Variants in TRAK1 observed in about 807,000 individuals in gnomAD.
TRAK1 encodes the protein trafficking kinesin-binding protein 1.
A neutral mutation model predicts 92.1 loss-of-function variants in TRAK1; 33 were observed. The ratio of observed to expected loss-of-function variants is 0.36; its 90% CI spans 0.27 to 0.48. TRAK1 has a LOEUF of 0.48. Among genes scored for constraint, TRAK1 ranks in the 20% least tolerant of loss-of-function variants. The probability of loss-of-function intolerance (pLI) is 0.99; values close to 1 mark genes in which losing one functional copy is unlikely to be tolerated. For synonymous variants in TRAK1, 521 were observed against 517.3 expected (o/e 1.01, Z -0.10); for missense variants, 1,123 against 1,257.9 (o/e 0.89, Z 1.62).
At chr3:42,092,711 G>GTGTTGTGTTGTGTTGTGTTATGTTA (rs1400587515) in intron 1 of TRAK1, among the ~76,000 whole-genome samples, 8 of 101,064 alleles carry the variant, frequency 7.9e-5, no homozygotes, top group African/African-American at 2.6e-4. Flanking sequence ...GTGTTGTGTT[G>GTGTTGTGTTGTGTTGTGTTATGTTA]TGTTATGTTA....
chr3:42,019,424 T>C (rs704965), intron 1 of TRAK1, among the ~76,000 whole-genome samples: 136,898 of 152,180 alleles, frequency 0.9, 63,311 homozygotes, highest in East Asian at 1. Flanking sequence ...GCTGCCACAC[T>C]TGGCTAATTT....
intron 1 of TRAK1, among the ~76,000 whole-genome samples, chr3:42,110,559 C>T (rs546177541): frequency 6.6e-6 from 1 of 152,326 alleles, no homozygotes; most frequent in South Asian, 2.1e-4. Flanking sequence ...ACTATTCTGA[C>T]TTCCCTTGCC....
At chr3:42,148,346 G>A (rs1699575428) in intron 2 of TRAK1, among the ~76,000 whole-genome samples, 1 of 152,154 alleles carries the variant, frequency 6.6e-6, no homozygotes. Context: ...TAGTGCTGAG[G>A]TTGAGAGACC....
chr3:42,017,911 T>C (rs1183771114), intron 1 of TRAK1, among the ~76,000 whole-genome samples: 1 of 152,146 alleles, frequency 6.6e-6, no homozygotes, highest in Admixed American at 6.6e-5. Context: ...GCAGTGTGCC[T>C]GTAGGCAGCC....
chr3:42,160,556 C>A, intron 2 of TRAK1: 102 of 1,199,238 alleles, frequency 8.5e-5, no homozygotes, highest in Non-Finnish European at 1.2e-4. Context: ...TTTCATAGCA[C>A]TGTTTTGTTT....
chr3:42,189,093 T>A lies in TRAK1; in HGVS notation c.659T>A (p.Leu220His). 6.2e-7 allele frequency: 1 copy of A among 1,614,086 alleles called. No individual in the cohort carries two copies. Among genetic ancestry groups the A allele is most frequent in the Non-Finnish European group, 8.5e-7 (1 of 1,179,906 alleles). Residue 220 changes from leucine to histidine, a missense_variant, in exon 6 of 16, where the codon CTT becomes CAT. Leu to His is a moderately conservative substitution (Grantham distance 99, BLOSUM62 -3). This residue lies in a region of TRAK1 where 686 missense variants were observed against 747.6 expected (regional missense o/e 0.92). Transcript: ENST00000327628. ...TCTCTTCAAAAGAAGCTGAAAGACC[T>A]TGAAGAGGAGAATGTTGTACTTCGA... ...LDSLQKKLKD[L>H]EEENVVLRSE...
chr3:42,132,509 C>T (rs766084852), intron 2 of TRAK1, among the ~76,000 whole-genome samples: 1 of 152,132 alleles, frequency 6.6e-6, no homozygotes, highest in Non-Finnish European at 1.5e-5. Context: ...AAGCATTCCT[C>T]CCACCTCAGC....
At chr3:42,112,747 A>C (rs1708610685) in intron 1 of TRAK1, among the ~76,000 whole-genome samples, 1 of 132,596 alleles carries the variant, frequency 7.5e-6, no homozygotes, top group African/African-American at 2.6e-5. Flanking sequence ...AAAAAAAAAA[A>C]AAAAAAAAAC....
intron 1 of TRAK1, among the ~76,000 whole-genome samples, chr3:42,041,544 A>T (rs1702539539): frequency 6.7e-6 from 1 of 149,684 alleles, no homozygotes; most frequent in African/African-American, 2.4e-5. Context: ...TTGTAAGATA[A>T]TGTCATGTAC....
intron 6 of TRAK1, among the ~76,000 whole-genome samples, chr3:42,190,648 C>T (rs1366367867): frequency 1.3e-5 from 2 of 152,194 alleles, no homozygotes; most frequent in African/African-American, 2.4e-5. Context: ...TTCCTGCTAC[C>T]CCACATCCAT....
chr3:42,219,698 T>C (rs1056486185), intron 15 of TRAK1, 102 bp downstream of exon 15: 1 of 1,331,222 alleles, frequency 7.5e-7, no homozygotes, highest in Non-Finnish European at 1.1e-6. Flanking sequence ...GAGAGGCTCA[T>C]AGAAAAACCA....
At chr3:42,174,017 C>A (rs2149352691) in intron 2 of TRAK1, among the ~76,000 whole-genome samples, 1 of 152,192 alleles carries the variant, frequency 6.6e-6, no homozygotes, top group Admixed American at 6.5e-5. Flanking sequence ...TATAGTATTG[C>A]TCTGAAGATT....
At chr3:42,055,485 G>C (rs894810530) in intron 1 of TRAK1, among the ~76,000 whole-genome samples, 3 of 152,190 alleles carry the variant, frequency 2.0e-5, no homozygotes, top group Admixed American at 2.0e-4. Context: ...TGTTGAGACA[G>C]GTTCTCTTGC....
intron 1 of TRAK1, among the ~76,000 whole-genome samples, chr3:42,100,190 A>C (rs1287612012): frequency 6.6e-6 from 1 of 152,020 alleles, no homozygotes; most frequent in Non-Finnish European, 1.5e-5. Flanking sequence ...ACATAGTGAG[A>C]CTCCCATCTC....
intron 1 of TRAK1, among the ~76,000 whole-genome samples, chr3:42,031,239 A>G (rs1254132188): frequency 6.6e-6 from 1 of 151,296 alleles, no homozygotes; most frequent in Non-Finnish European, 1.5e-5. Context: ...GGGTTTCACG[A>G]TATTGGCCAG....
Position 42,125,584 on chromosome 3 carries a change from G to A in TRAK1, c.256G>A (p.Glu86Lys), listed in dbSNP as rs368818504. The A allele has an allele frequency of 1.1e-5, 18 of 1,614,098 alleles. No individual in the cohort carries two copies. The highest frequency in any genetic ancestry group is 4.0e-5 in the African/African-American group (3 of 75,046). ...SPDANIDLTTEQIEETLKYFL... is the reference protein window; with the variant it reads ...SPDANIDLTTKQIEETLKYFL... ...AGATGCCAACATTGACCTCACAACC[G>A]AGCAAATTGAAGAGACGTTAAAATA... Residue 86 changes from glutamate to lysine, a missense_variant, in exon 2 of 16, where the codon GAG (glutamate) becomes AAG (lysine). Glu to Lys is a moderately conservative substitution (Grantham distance 56, BLOSUM62 1). Around this residue, in one of 3 missense-constraint regions of TRAK1, gnomAD observed 686 missense variants for 747.6 expected, o/e 0.92. Transcript: ENST00000327628.
intron 1 of TRAK1, among the ~76,000 whole-genome samples, chr3:42,114,016 C>T (rs1353323137): frequency 6.6e-6 from 1 of 152,150 alleles, no homozygotes; most frequent in Non-Finnish European, 1.5e-5. Context: ...CTGCCAGCCG[C>T]TAATCTGCTT....
intron 2 of TRAK1, among the ~76,000 whole-genome samples, chr3:42,130,129 G>C (rs1697002102): frequency 6.6e-6 from 1 of 151,934 alleles, no homozygotes. Flanking sequence ...GTGGCTTGTA[G>C]GTCACACTTC....
At chr3:42,173,154 GA>G (rs762162189) in intron 2 of TRAK1, among the ~76,000 whole-genome samples, 10 of 151,412 alleles carry the variant, frequency 6.6e-5, no homozygotes, top group African/African-American at 1.7e-4. Flanking sequence ...TCTAACAAAA[GA>G]AAAAAAAATT....
Sources: allele counts gnomAD v4.1 joint callset (sites outside exome capture counted in the v4.1 genomes callset), GRCh38; gene constraint gnomAD v4.1.1; regional missense constraint gnomAD v4.1.1; transcripts MANE v1.5; gene names NCBI Gene and HGNC (gene_info 2026-07-23, HGNC 2026-07-21).